Variants in FMO3 observed in about 807,000 individuals in gnomAD.
FMO3 encodes flavin containing dimethylaniline monoxygenase 3.
In FMO3, 40 loss-of-function variants were observed where a neutral mutation model predicts 39.4. The observed-to-expected ratio is 1.02, with a 90% CI of 0.79 to 1.32. The LOEUF is 1.32. FMO3 is among the 40% of genes most tolerant of loss of function. The probability of loss-of-function intolerance (pLI) is 0.00; values close to 1 mark genes in which losing one functional copy is unlikely to be tolerated. For synonymous variants in FMO3, 219 were observed against 228.8 expected (o/e 0.96, Z 0.39); for missense variants, 680 against 651.8 (o/e 1.04, Z -0.47).
At chr1:171,110,713 A>T in intron 5 of FMO3, 85 bp from the exon 6 acceptor site, 1 of 1,238,148 alleles carries the variant, frequency 8.1e-7, no homozygotes. Flanking sequence ...TAATAGATCC[A>T]TTCCTCAAGA....
rs552325028 is a variant in FMO3, at chr1:171,113,947, G to A, written c.828-60G>A. ...TTCCTTCCTTATCAATTTATATATG[G>A]ACCAATAAAACAAGAGGGAAATATT... On this transcript the variant is annotated intron_variant, in intron 6 of 8. Transcript: ENST00000367755. The A allele has an allele frequency of 4.6e-5, 57 of 1,227,614 alleles. 1 individual carries two copies. The South Asian group carries it at 7.1e-4, about 15-fold the overall frequency. 76.0% of individuals were successfully genotyped at this position (1,227,614 alleles called of 1,614,324 possible).
rs774093562 is a variant in FMO3, at chr1:171,107,775, A to T, written c.422A>T (p.Asp141Val). Reference sequence around the variant, plus strand: ...GGTAAAAAAGAATCGGCTGTCTTTGATGCTGTAATGGTTTGTTCCGGACAT... The same window carrying T: ...GGTAAAAAAGAATCGGCTGTCTTTGTTGCTGTAATGGTTTGTTCCGGACAT... ...RDGKKESAVF[D>V]AVMVCSGHHV... The change falls in exon 4 of 9, where the codon GAT becomes GTT. Residue 141 changes from aspartate (D) to valine (V), a missense_variant. Physicochemically the swap from Asp to Val is radical, Grantham distance 152. Transcript: ENST00000367755. 3 of 1,613,960 alleles carry T rather than the reference A, an allele frequency of 1.9e-6. No homozygotes were observed. The highest frequency in any genetic ancestry group is 2.5e-6 in the Non-Finnish European group (3 of 1,179,922).
At chr1:171,109,526 CTTTTTT>C (rs780479699) in intron 5 of FMO3, among the ~76,000 whole-genome samples, 253 of 59,004 alleles carry the variant, frequency 4.3e-3, no homozygotes, top group Non-Finnish European at 5.9e-3. Flanking sequence ...TTAGTCTCTT[CTTTTTT>C]TTTTTTTTTT....
At chr1:171,097,715 C>T (rs528349711) in intron 2 of FMO3, among the ~76,000 whole-genome samples, 6,905 of 149,848 alleles carry the variant, frequency 0.046, 179 homozygotes, top group African/African-American at 0.062. Flanking sequence ...GAGTAGGTTG[C>T]GAAAATTTTC....
In FMO3 at chr1:171,099,390, G is replaced by C. The variant is rs1312922630; in HGVS notation, c.133-4395G>C. Among the ~76,000 whole-genome samples, 2 of 152,148 alleles carry C rather than the reference G, an allele frequency of 1.3e-5. 1 individual carries two copies. Among genetic ancestry groups the C allele is most frequent in the South Asian group, 4.1e-4 (2 of 4,830 alleles). On this transcript the variant is annotated intron_variant, in intron 2 of 8. Coordinates refer to ENST00000367755, the MANE Select transcript of FMO3 (RefSeq NM_001002294.3). ...CTTATACAATGTTGTGGAGCCTACT[G>C]TATGTTATTAAAATGTGTTGACAGG...
At chr1:171,111,566 A>G (rs1239347858) in intron 6 of FMO3, among the ~76,000 whole-genome samples, 1 of 152,022 alleles carries the variant, frequency 6.6e-6, no homozygotes, top group Non-Finnish European at 1.5e-5. Flanking sequence ...TCTTCGTTTC[A>G]TCACCCACCC....
intron 3 of FMO3, among the ~76,000 whole-genome samples, chr1:171,105,709 A>C (rs1397174935): frequency 2.0e-5 from 3 of 152,108 alleles, no homozygotes; most frequent in African/African-American, 7.2e-5. Context: ...AAATATAAAT[A>C]TATATTTTAC....
At position 171,110,932 on chromosome 1, in the gene FMO3, G is replaced by T. The variant is rs767299414; in HGVS notation, c.762G>T (p.Trp254Cys). 1.9e-6 allele frequency: 3 copies of T among 1,613,962 alleles called. No individual in the cohort carries two copies. The highest frequency in any genetic ancestry group is 2.5e-6 in the Non-Finnish European group (3 of 1,179,916). Residue 254 changes from tryptophan to cysteine, a missense_variant, in exon 6 of 9, where the codon TGG becomes TGT. Physicochemically the swap from Trp to Cys is radical, Grantham distance 215. Transcript: ENST00000367755. ...KNNLPTAISD[W>C]LYVKQMNARF... Reference sequence around the variant, plus strand: ...ATTTACCGACAGCCATCTCTGACTGGTTGTACGTGAAGCAGATGAATGCAA... The same window carrying T: ...ATTTACCGACAGCCATCTCTGACTGTTTGTACGTGAAGCAGATGAATGCAA...
intron 2 of FMO3, among the ~76,000 whole-genome samples, chr1:171,101,544 T>C (rs1212905975): frequency 6.6e-6 from 1 of 152,218 alleles, no homozygotes; most frequent in African/African-American, 2.4e-5. Flanking sequence ...TACATTATCT[T>C]AACTTTTTTT....
intron 2 of FMO3, among the ~76,000 whole-genome samples, chr1:171,098,733 C>T (rs980120105): frequency 1.4e-4 from 22 of 152,158 alleles, no homozygotes; most frequent in African/African-American, 4.6e-4. Context: ...ATGTCATCTG[C>T]AAACAAGGAC....
In FMO3 at chr1:171,108,122, T is replaced by C; in HGVS notation, c.528T>C (p.Tyr176=). 6.2e-7 allele frequency: 1 copy of C among 1,613,890 alleles called. No homozygotes were observed. The highest frequency in any genetic ancestry group is 8.5e-7 in the Non-Finnish European group (1 of 1,179,894). The change falls in exon 5 of 9, where the codon TAT becomes TAC. Residue 176 remains tyrosine (Y), a synonymous_variant. Transcript: ENST00000367755. The part of the protein sequence containing the change: ...FKGKCFHSRD[Y]KEPGVFNGKR... ...GCAAATGCTTCCACAGCAGGGACTA[T>C]AAAGAACCAGGTGTATTCAATGGAA... is the stretch of plus-strand genomic sequence containing the variant.
At chr1:171,109,280 G>A (rs1655791958) in intron 5 of FMO3, among the ~76,000 whole-genome samples, 4 of 152,118 alleles carry the variant, frequency 2.6e-5, no homozygotes, top group Admixed American at 2.6e-4. Flanking sequence ...ATAGGATTGC[G>A]TTACAGGAAA....
intron 2 of FMO3, among the ~76,000 whole-genome samples, chr1:171,093,827 CTTTTT>C (rs1228257104): frequency 1.3e-5 from 1 of 75,290 alleles, no homozygotes; most frequent in Non-Finnish European, 2.3e-5. Flanking sequence ...TCACTAATAT[CTTTTT>C]TTTTTTTTTT....
chr1:171,112,816 G>T (rs1264138518), intron 6 of FMO3, among the ~76,000 whole-genome samples: 2 of 152,162 alleles, frequency 1.3e-5, no homozygotes, highest in African/African-American at 4.8e-5. Context: ...CATGTAAATG[G>T]AGGAGACTAA....
intron 3 of FMO3, among the ~76,000 whole-genome samples, chr1:171,106,997 C>A (rs1457053242): frequency 1.3e-5 from 2 of 152,034 alleles, no homozygotes; most frequent in Admixed American, 1.3e-4. Flanking sequence ...TGTGTATTTT[C>A]TTATATGTAT....
chr1:171,097,434 A>G (rs1206588395), intron 2 of FMO3, among the ~76,000 whole-genome samples: 1,344 of 113,624 alleles, frequency 0.012, 14 homozygotes, highest in East Asian at 0.077. Flanking sequence ...CTATTTCTCC[A>G]CATCCTCTCC....
chr1:171,107,749 T>A lies in FMO3; in HGVS notation c.396T>A (p.Asp132Glu). Reference sequence around the variant, plus strand: ...AGTGGGATGTTACCACTGAAAGGGATGGTAAAAAAGAATCGGCTGTCTTTG... The same window carrying A: ...AGTGGGATGTTACCACTGAAAGGGAAGGTAAAAAAGAATCGGCTGTCTTTG... ...TGQWDVTTERDGKKESAVFDA... is the reference protein window; with the variant it reads ...TGQWDVTTEREGKKESAVFDA... The change falls in exon 4 of 9, where the codon GAT becomes GAA. Residue 132 changes from aspartate to glutamate, a missense_variant. By Grantham distance (45) the Asp-to-Glu change is conservative. Transcript: ENST00000367755. 4 of 1,613,704 alleles carry A rather than the reference T, an allele frequency of 2.5e-6. No individual in the cohort carries two copies. The highest frequency in any genetic ancestry group is 3.4e-6 in the Non-Finnish European group (4 of 1,179,720).
chr1:171,105,901 A>T (rs1398612991), intron 3 of FMO3, among the ~76,000 whole-genome samples: 2 of 152,140 alleles, frequency 1.3e-5, no homozygotes, highest in African/African-American at 2.4e-5. Flanking sequence ...ATACGCAAAC[A>T]TTATCTTAAT....
chr1:171,106,897 T>G (rs750422466), intron 3 of FMO3, among the ~76,000 whole-genome samples: 2 of 152,210 alleles, frequency 1.3e-5, no homozygotes, highest in Non-Finnish European at 2.9e-5. Context: ...CCACAGTTAT[T>G]CTAAACAAAT....
Sources: gnomAD v4.1 joint callset for allele counts (sites outside exome capture counted in the v4.1 genomes callset) on GRCh38, gnomAD v4.1.1 for gene constraint, MANE v1.5 for transcripts, NCBI Gene and HGNC (gene_info 2026-07-23, HGNC 2026-07-21) for gene names.